GRM7: variants seen among roughly 807,000 people sequenced by gnomAD.
The protein encoded by GRM7 is metabotropic glutamate receptor 7.
GRM7 carries 35 observed loss-of-function variants against 84.5 expected under a neutral mutation model. That is an observed-to-expected ratio of 0.41 (90% CI 0.32 to 0.55). The LOEUF is 0.55. Ranked by LOEUF, GRM7 falls within the 20% of genes least tolerant of loss-of-function variation. The pLI, the probability that GRM7 is intolerant of heterozygous loss-of-function variation, is 0.19. For synonymous variants in GRM7, 487 were observed against 455.1 expected (o/e 1.07, Z -0.89); for missense variants, 1,003 against 1,194.6 (o/e 0.84, Z 2.36).
intron 2 of GRM7, among the ~76,000 whole-genome samples, chr3:7,296,710 G>C (rs1699825322): frequency 6.6e-6 from 1 of 151,816 alleles, no homozygotes; most frequent in Non-Finnish European, 1.5e-5. Flanking sequence ...GAGATCATCA[G>C]GGTTACCCTT....
chr3:6,943,586 A>G (rs1403557476), intron 1 of GRM7, among the ~76,000 whole-genome samples: 1 of 152,024 alleles, frequency 6.6e-6, no homozygotes, highest in African/African-American at 2.4e-5. Flanking sequence ...TACTTTGTCA[A>G]TTAGTGTAGC....
chr3:7,119,387 A>G (rs1041953367), intron 1 of GRM7, among the ~76,000 whole-genome samples: 3 of 152,096 alleles, frequency 2.0e-5, no homozygotes, highest in Admixed American at 6.6e-5. Context: ...TCAATGATCT[A>G]TTCTTGCTAG....
intron 1 of GRM7, among the ~76,000 whole-genome samples, chr3:6,887,738 A>C (rs1465443121): frequency 2.0e-5 from 3 of 152,146 alleles, no homozygotes; most frequent in African/African-American, 7.2e-5. Context: ...TCCTTTGGGT[A>C]TATACCCCGT....
intron 8 of GRM7, among the ~76,000 whole-genome samples, chr3:7,654,455 C>A (rs1050334755): frequency 6.6e-6 from 1 of 152,160 alleles, no homozygotes; most frequent in Non-Finnish European, 1.5e-5. Flanking sequence ...AATGAATGGC[C>A]CTAGAAACTC....
At position 6,863,479 on chromosome 3, in the gene GRM7, G is replaced by C. The variant is rs1694834629; in HGVS notation, c.519+1572G>C. On this transcript the variant is annotated intron_variant, in intron 1 of 9. Transcript: ENST00000357716. This position sits in a 1 kb window ranked among gnomAD's most constrained non-coding sequence, Gnocchi z 4.8. ...AGAGGAGTGCCCATCCAAGGCTGCA[G>C]CTTGCATGGCCCCTCTGATCCTCTG... 6.6e-6 allele frequency among the ~76,000 whole-genome samples: 1 copy of C among 152,174 alleles called. No individual in the cohort carries two copies. The highest frequency in any genetic ancestry group is 2.4e-5 in the African/African-American group (1 of 41,430).
At chr3:7,367,126 AC>A (rs149902852) in intron 4 of GRM7, among the ~76,000 whole-genome samples, 11,034 of 151,832 alleles carry the variant, frequency 0.073, 423 homozygotes, top group Non-Finnish European at 0.09. Flanking sequence ...TTATTTCTTT[AC>A]TTCAGAAATA....
chr3:6,883,597 T>C (rs764168058), intron 1 of GRM7, among the ~76,000 whole-genome samples: 2 of 152,158 alleles, frequency 1.3e-5, no homozygotes, highest in Non-Finnish European at 2.9e-5. Flanking sequence ...TGAAAGGCCA[T>C]AAATCACACT....
At chr3:6,950,532 G>A (rs920634002) in intron 1 of GRM7, among the ~76,000 whole-genome samples, 24 of 152,194 alleles carry the variant, frequency 1.6e-4, no homozygotes, top group African/African-American at 2.4e-4. Flanking sequence ...CAGTCTGCCC[G>A]TTCTCAGATC....
intron 2 of GRM7, among the ~76,000 whole-genome samples, chr3:7,278,696 C>T (rs145678854): frequency 1.2e-3 from 177 of 152,166 alleles, no homozygotes; most frequent in African/African-American, 4.2e-3. Context: ...GTCAAGAAGA[C>T]AAGCATATGA....
chr3:7,374,927 C>T (rs1694285132), intron 4 of GRM7, among the ~76,000 whole-genome samples: 1 of 151,994 alleles, frequency 6.6e-6, no homozygotes, highest in Admixed American at 6.6e-5. Context: ...TAATTCCTGC[C>T]CTGCCTATTT....
intron 8 of GRM7, among the ~76,000 whole-genome samples, chr3:7,605,133 G>A (rs1696503427): frequency 6.6e-6 from 1 of 152,076 alleles, no homozygotes; most frequent in Non-Finnish European, 1.5e-5. Flanking sequence ...CTGAAAAACT[G>A]CCCAGATGAT....
At chr3:7,474,956 T>G (rs1698862343) in intron 7 of GRM7, among the ~76,000 whole-genome samples, 1 of 152,180 alleles carries the variant, frequency 6.6e-6, no homozygotes, top group Non-Finnish European at 1.5e-5. Flanking sequence ...GTGACTGGTC[T>G]TGTATATTGA....
At chr3:7,533,683 G>A (rs924264011) in intron 7 of GRM7, among the ~76,000 whole-genome samples, 4 of 152,150 alleles carry the variant, frequency 2.6e-5, no homozygotes, top group Non-Finnish European at 5.9e-5. Flanking sequence ...CTGAATGTCT[G>A]TTTAGTGATT....
chr3:7,428,434 G>A (rs184601229), intron 5 of GRM7, among the ~76,000 whole-genome samples: 1 of 152,134 alleles, frequency 6.6e-6, no homozygotes, highest in East Asian at 1.9e-4. Flanking sequence ...ACACAATAGT[G>A]TGTGTTCTTT....
intron 8 of GRM7, among the ~76,000 whole-genome samples, chr3:7,585,924 C>T (rs1399767659): frequency 3.9e-5 from 6 of 152,284 alleles, no homozygotes; most frequent in Non-Finnish European, 7.4e-5. Flanking sequence ...AATACTGGCC[C>T]AATTGTGAAT....
chr3:7,070,309 C>T (rs1697820720), intron 1 of GRM7, among the ~76,000 whole-genome samples: 1 of 151,784 alleles, frequency 6.6e-6, no homozygotes, highest in African/African-American at 2.4e-5. Context: ...TAGAATTTTC[C>T]AGGTAGCTGA....
At chr3:6,994,993 C>T (rs1176082595) in intron 1 of GRM7, among the ~76,000 whole-genome samples, 2 of 152,166 alleles carry the variant, frequency 1.3e-5, no homozygotes, top group Non-Finnish European at 2.9e-5. Flanking sequence ...AATCACATGA[C>T]TGGCTTTGGC....
At chr3:7,397,220 T>G (rs1271457358) in intron 4 of GRM7, among the ~76,000 whole-genome samples, 2 of 152,102 alleles carry the variant, frequency 1.3e-5, no homozygotes, top group African/African-American at 4.8e-5. Flanking sequence ...ATATTGAAAT[T>G]TTGGTGACTC....
In GRM7 at chr3:6,862,274, T is replaced by A. The variant is rs1694780093; in HGVS notation, c.519+367T>A. On this transcript the variant is annotated intron_variant, in intron 1 of 9. Coordinates refer to ENST00000357716, the MANE Select transcript of GRM7 (RefSeq NM_000844.4). This position sits in a 1 kb window ranked among gnomAD's most constrained non-coding sequence, Gnocchi z 5.2. The stretch of plus-strand genomic sequence containing the variant: ...CTCCTAGGAGAGCTGGTTAGGAGAA[T>A]GGAATAGGAAAGATGAGACGATGCC... 6.6e-6 allele frequency among the ~76,000 whole-genome samples: 1 copy of A among 151,924 alleles called. No homozygotes were observed. Among genetic ancestry groups the A allele is most frequent in the Non-Finnish European group, 1.5e-5 (1 of 68,006 alleles).
Sources: allele counts gnomAD v4.1 joint callset (sites outside exome capture counted in the v4.1 genomes callset), GRCh38; gene constraint gnomAD v4.1.1; non-coding constraint Gnocchi (gnomAD v3.1); transcripts MANE v1.5; gene names NCBI Gene and HGNC (gene_info 2026-07-23, HGNC 2026-07-21).